SOX5: variants seen among roughly 807,000 people sequenced by gnomAD.
SOX5 encodes SRY-box transcription factor 5.
SOX5 carries 9 observed loss-of-function variants against 92.0 expected under a neutral mutation model. The observed-to-expected ratio is 0.10, with a 90% CI of 0.06 to 0.17. SOX5 has a LOEUF of 0.17. Among genes scored for constraint, SOX5 ranks in the 10% least tolerant of loss-of-function variants. SOX5 has a pLI of 1.00. For synonymous variants in SOX5, 344 were observed against 336.3 expected, an observed-to-expected ratio of 1.02 and a Z score of -0.25; for missense variants, 642 against 944.5, an observed-to-expected ratio of 0.68 and a Z score of 4.20.
At chr12:23,604,240 A>G in intron 9 of SOX5, 147 bp downstream of exon 9, 1 of 686,672 alleles carries the variant, frequency 1.5e-6, no homozygotes, top group Non-Finnish European at 2.5e-6. Context: ...ATAAGTTGAC[A>G]TGCACACCTG....
intron 1 of SOX5, among the ~76,000 whole-genome samples, chr12:24,380,488 A>G (rs1240585809): frequency 6.6e-6 from 1 of 152,242 alleles, no homozygotes; most frequent in Non-Finnish European, 1.5e-5. Flanking sequence ...AAAACATGGT[A>G]CTCAATTCTT....
chr12:24,553,649 G>A (rs180883563), intron 1 of SOX5, among the ~76,000 whole-genome samples: 22 of 150,668 alleles, frequency 1.5e-4, no homozygotes, highest in African/African-American at 4.4e-4. Flanking sequence ...AGAGTATTTC[G>A]AAAACCTTTC....
intron 4 of SOX5, among the ~76,000 whole-genome samples, chr12:24,195,110 C>G (rs1375577159): frequency 6.8e-6 from 1 of 147,388 alleles, no homozygotes; most frequent in African/African-American, 2.5e-5. Context: ...CAATTATCTA[C>G]TAGTTGCAAT....
At chr12:24,111,517 A>C (rs1037222344) in intron 4 of SOX5, among the ~76,000 whole-genome samples, 1 of 152,222 alleles carries the variant, frequency 6.6e-6, no homozygotes, top group East Asian at 1.9e-4. Context: ...TATCATTAAG[A>C]AATAAATATG....
Position 23,692,278 on chromosome 12 carries a change from A to T in SOX5, c.811-26714T>A, listed in dbSNP as rs114186548. Among the ~76,000 whole-genome samples, 1,399 of 149,362 alleles carry T rather than the reference A, an allele frequency of 9.4e-3. 29 individuals carry two copies. Among genetic ancestry groups the T allele is most frequent in the African/African-American group, 0.033 (1,336 of 40,818 alleles). Reference sequence around the variant, plus strand: ...TGAGACTCCATCTCTAATAAAAATTAAAAAAAAAATTAGACAGGCATGGCA... The same window carrying T: ...TGAGACTCCATCTCTAATAAAAATTTAAAAAAAAATTAGACAGGCATGGCA... On this transcript the variant is annotated intron_variant, in intron 6 of 14. Coordinates refer to ENST00000451604, the MANE Select transcript of SOX5 (RefSeq NM_006940.6).
chr12:23,962,967 A>G (rs11047174), intron 4 of SOX5, among the ~76,000 whole-genome samples: 40,668 of 152,016 alleles, frequency 0.27, 6,356 homozygotes, highest in East Asian at 0.7. Context: ...GATCCTGTCC[A>G]ATTAAAACTG....
At chr12:24,371,346 C>G (rs1484505906) in intron 1 of SOX5, among the ~76,000 whole-genome samples, 1 of 152,188 alleles carries the variant, frequency 6.6e-6, no homozygotes, top group Non-Finnish European at 1.5e-5. Context: ...ATTTTTCCCC[C>G]CCAGGGCTAC....
chr12:23,542,378 A>C (rs763288440), intron 13 of SOX5, among the ~76,000 whole-genome samples: 7 of 152,338 alleles, frequency 4.6e-5, no homozygotes, highest in Non-Finnish European at 8.8e-5. Flanking sequence ...GCCATCAGAC[A>C]GTGATGAATG....
chr12:23,859,537 A>G (rs1026462046), intron 2 of SOX5, among the ~76,000 whole-genome samples: 61 of 152,108 alleles, frequency 4.0e-4, no homozygotes, highest in African/African-American at 1.4e-3. Flanking sequence ...CGGGACATGG[A>G]CCCTCATCAG....
chr12:24,006,501 C>T (rs1334463704), intron 4 of SOX5, among the ~76,000 whole-genome samples: 3 of 151,882 alleles, frequency 2.0e-5, no homozygotes, highest in African/African-American at 7.3e-5. Context: ...GTCACTCAGT[C>T]CCTTTCTCTT....
chr12:23,991,215 T>G (rs996004975), intron 4 of SOX5, among the ~76,000 whole-genome samples: 5 of 150,558 alleles, frequency 3.3e-5, no homozygotes, highest in African/African-American at 1.2e-4. Flanking sequence ...CTTTAAAAAT[T>G]AGCCAGGCAT....
chr12:24,411,216 T>C (rs1000412785), intron 1 of SOX5, among the ~76,000 whole-genome samples: 1 of 152,234 alleles, frequency 6.6e-6, no homozygotes, highest in South Asian at 2.1e-4. Flanking sequence ...TTTTTTAATG[T>C]TCCATGAGAT....
chr12:23,705,968 T>A (rs1167910308), intron 6 of SOX5, among the ~76,000 whole-genome samples: 1 of 151,640 alleles, frequency 6.6e-6, no homozygotes, highest in East Asian at 1.9e-4. Flanking sequence ...ACATTTAACA[T>A]CTTTTTTTTT....
chr12:24,466,029 AG>A (rs1394647971), intron 1 of SOX5, among the ~76,000 whole-genome samples: 1 of 152,340 alleles, frequency 6.6e-6, no homozygotes, highest in East Asian at 1.9e-4. Context: ...ACTGCAGGAA[AG>A]GGTTTTTTAA....
At chr12:23,767,277 T>C (rs546682684) in intron 3 of SOX5, among the ~76,000 whole-genome samples, 15 of 151,670 alleles carry the variant, frequency 9.9e-5, no homozygotes, top group Non-Finnish European at 2.2e-4. Flanking sequence ...TAATGTACTA[T>C]ACACATAAGA....
At chr12:23,556,298 A>T (rs1945159593) in intron 11 of SOX5, among the ~76,000 whole-genome samples, 1 of 152,232 alleles carries the variant, frequency 6.6e-6, no homozygotes, top group Non-Finnish European at 1.5e-5. Context: ...ATAAATTTGC[A>T]GGGTAGAGAG....
At chr12:24,065,430 C>T (rs185586998) in intron 4 of SOX5, among the ~76,000 whole-genome samples, 3 of 152,154 alleles carry the variant, frequency 2.0e-5, no homozygotes, top group Admixed American at 6.5e-5. Context: ...GGGTGGATCA[C>T]GAGGTCAAGA....
At chr12:24,399,877 T>C (rs969097509) in intron 1 of SOX5, among the ~76,000 whole-genome samples, 2 of 152,210 alleles carry the variant, frequency 1.3e-5, no homozygotes, top group Non-Finnish European at 1.5e-5. Flanking sequence ...CATATAGGTA[T>C]AGTACATTTC....
At chr12:24,116,532 T>A (rs573937680) in intron 4 of SOX5, among the ~76,000 whole-genome samples, 4 of 152,300 alleles carry the variant, frequency 2.6e-5, no homozygotes, top group Non-Finnish European at 4.4e-5. Flanking sequence ...ATTCTATCAC[T>A]GACAAAGTCA....
Sources: gnomAD v4.1 joint callset for allele counts (sites outside exome capture counted in the v4.1 genomes callset) on GRCh38, gnomAD v4.1.1 for gene constraint, MANE v1.5 for transcripts, NCBI Gene and HGNC (gene_info 2026-07-23, HGNC 2026-07-21) for gene names.